Variants in WDR64 observed in about 807,000 individuals in gnomAD.
WDR64 encodes the protein WD repeat-containing protein 64.
WDR64 carries 112 observed loss-of-function variants against 139.3 expected under a neutral mutation model. The observed-to-expected ratio is 0.80, with a 90% confidence interval of 0.69 to 0.94. WDR64 has a LOEUF of 0.94. WDR64 is among the 40% of genes least tolerant of loss of function. The probability of loss-of-function intolerance (pLI) is 0.00; values close to 1 mark genes in which losing one functional copy is unlikely to be tolerated. For synonymous variants in WDR64, 444 were observed against 437.7 expected (o/e 1.01, Z -0.18); for missense variants, 1,206 against 1,293.1 (o/e 0.93, Z 1.03).
At chr1:241,762,249 T>G (rs1330913308) in intron 15 of WDR64, among the ~76,000 whole-genome samples, 1 of 152,188 alleles carries the variant, frequency 6.6e-6, no homozygotes, top group Non-Finnish European at 1.5e-5. Flanking sequence ...ACGTTGTACA[T>G]CTCCATCAGA....
intron 4 of WDR64, among the ~76,000 whole-genome samples, chr1:241,675,055 TC>T (rs1666448109): frequency 4.2e-5 from 1 of 23,714 alleles, no homozygotes; most frequent in East Asian, 1.3e-3. Flanking sequence ...TCCTTCCTTT[TC>T]TCCCTTCCTC....
intron 10 of WDR64, among the ~76,000 whole-genome samples, chr1:241,735,256 A>G (rs751974125): frequency 6.6e-6 from 1 of 152,156 alleles, no homozygotes; most frequent in Non-Finnish European, 1.5e-5. Context: ...TTAAATGCTG[A>G]TGGAATCCTG....
intron 19 of WDR64, among the ~76,000 whole-genome samples, chr1:241,772,225 C>T (rs1458753129): frequency 2.7e-5 from 4 of 146,412 alleles, no homozygotes; most frequent in Non-Finnish European, 6.0e-5. Context: ...AGTATAGAAG[C>T]TTTTGCAATA....
intron 2 of WDR64, among the ~76,000 whole-genome samples, chr1:241,663,157 G>A (rs1665895574): frequency 6.6e-6 from 1 of 152,156 alleles, no homozygotes; most frequent in African/African-American, 2.4e-5. Context: ...AGTATCATGG[G>A]ATAACTCTAT....
chr1:241,790,752 T>C (rs1223846030), intron 25 of WDR64, 56 bp downstream of exon 25: 2 of 1,357,760 alleles, frequency 1.5e-6, no homozygotes, highest in Non-Finnish European at 2.0e-6. Context: ...ACCTTTGCTT[T>C]TGTTTTTCTG....
In WDR64 at chr1:241,801,247, A is replaced by G; in HGVS notation, c.*32A>G. ...AAAATCAGAAATGGCTGCTGCACAT[A>G]AAATGGCAACGTTTGGATGATACCT... is the stretch of plus-strand genomic sequence containing the variant. On this transcript the variant is annotated 3_prime_UTR_variant, in exon 28 of 28. Transcript: ENST00000437684. The G allele has an allele frequency of 1.3e-6, 2 of 1,586,374 alleles. No homozygotes were observed. The highest frequency in any genetic ancestry group is 2.2e-5 in the South Asian group (2 of 90,418).
chr1:241,656,870 TTGTGTGTGTG>T lies in WDR64; in HGVS notation c.146-3628_146-3619del, dbSNP rs199635140. On this transcript the variant is annotated intron_variant, in intron 1 of 27. Transcript: ENST00000437684. The surrounding 1 kb of genome is among the most constrained non-coding windows in gnomAD (Gnocchi z 4.3). ...AAATGTCTCAAGTCTTTGCCAAATG[TTGTGTGTGTG>T]TGTGTGTGTGTGTGTGTGTGTGTGT... 1.2e-5 allele frequency among the ~76,000 whole-genome samples: 1 copy of T among 86,642 alleles called. No homozygotes were observed. Among genetic ancestry groups the T allele is most frequent in the African/African-American group, 4.5e-5 (1 of 22,422 alleles). 56.8% of individuals were successfully genotyped at this position (86,642 alleles called of 152,430 possible).
intron 12 of WDR64, among the ~76,000 whole-genome samples, chr1:241,743,448 C>T (rs1490583387): frequency 6.6e-6 from 1 of 152,180 alleles, no homozygotes; most frequent in Non-Finnish European, 1.5e-5. Flanking sequence ...CGGCAAGTGG[C>T]CCTTCATTAT....
At chr1:241,757,739 C>A (rs1670258487) in intron 15 of WDR64, among the ~76,000 whole-genome samples, 2 of 151,054 alleles carry the variant, frequency 1.3e-5, no homozygotes, top group Admixed American at 6.6e-5. Context: ...CTGCCTCAGC[C>A]CCCCAGAACG....
chr1:241,706,044 T>C (rs922206737), intron 8 of WDR64, among the ~76,000 whole-genome samples: 6 of 152,246 alleles, frequency 3.9e-5, no homozygotes, highest in African/African-American at 1.4e-4. Context: ...TCTTCTGTCT[T>C]AGGAAAAATT....
intron 8 of WDR64, among the ~76,000 whole-genome samples, chr1:241,704,296 C>G (rs1277511396): frequency 6.6e-6 from 1 of 152,118 alleles, no homozygotes; most frequent in African/African-American, 2.4e-5. Context: ...TCTCAATGCA[C>G]TGGAAAGTAT....
At chr1:241,768,615 G>A (rs1348795769) in intron 16 of WDR64, among the ~76,000 whole-genome samples, 1 of 152,148 alleles carries the variant, frequency 6.6e-6, no homozygotes, top group Non-Finnish European at 1.5e-5. Flanking sequence ...TTGAGCTTGG[G>A]TTCACTTTCC....
At chr1:241,683,394 C>T in intron 6 of WDR64, 93 bp from the exon 7 acceptor site, 2 of 1,225,912 alleles carry the variant, frequency 1.6e-6, no homozygotes, top group Non-Finnish European at 2.3e-6. Flanking sequence ...CAATAAGAAA[C>T]AGCGGAAAGT....
At chr1:241,762,780 A>C (rs1657979918) in intron 15 of WDR64, among the ~76,000 whole-genome samples, 1 of 152,084 alleles carries the variant, frequency 6.6e-6, no homozygotes, top group South Asian at 2.1e-4. Flanking sequence ...CTTGCAAAAA[A>C]AAAAAAATAG....
intron 8 of WDR64, among the ~76,000 whole-genome samples, chr1:241,706,235 C>T (rs1468036378): frequency 1.3e-5 from 2 of 152,228 alleles, no homozygotes; most frequent in Non-Finnish European, 2.9e-5. Flanking sequence ...GAACCCGCCA[C>T]AGAGTGGCAA....
chr1:241,716,441 A>G (rs72768088), intron 9 of WDR64, among the ~76,000 whole-genome samples: 31,860 of 152,128 alleles, frequency 0.21, 3,789 homozygotes, highest in Middle Eastern at 0.39. Context: ...GATTCAGAGT[A>G]GGAACACAAT....
intron 8 of WDR64, among the ~76,000 whole-genome samples, chr1:241,704,967 T>C (rs1047371690): frequency 3.9e-5 from 6 of 152,126 alleles, no homozygotes; most frequent in African/African-American, 1.4e-4. Flanking sequence ...AGGTACCTGG[T>C]TGTGGGCCAA....
chr1:241,724,032 G>T (rs1558491794), intron 10 of WDR64, among the ~76,000 whole-genome samples: 1 of 151,852 alleles, frequency 6.6e-6, no homozygotes, highest in Non-Finnish European at 1.5e-5. Context: ...GAGGAAAAAA[G>T]GTCAAAGAGA....
chr1:241,754,933 T>C (rs542666194), intron 14 of WDR64, among the ~76,000 whole-genome samples: 3 of 152,158 alleles, frequency 2.0e-5, no homozygotes, highest in Non-Finnish European at 4.4e-5. Flanking sequence ...GTATTCCATG[T>C]TGTATATGTG....
Sources: gnomAD v4.1 joint callset for allele counts (sites outside exome capture counted in the v4.1 genomes callset) on GRCh38, gnomAD v4.1.1 for gene constraint, Gnocchi (gnomAD v3.1) non-coding constraint, MANE v1.5 for transcripts, NCBI Gene and HGNC (gene_info 2026-07-23, HGNC 2026-07-21) for gene names.